Variants in ERBIN observed in about 807,000 individuals in gnomAD.
ERBIN encodes the protein densin-180-like protein.
A neutral mutation model predicts 158.4 loss-of-function variants in ERBIN; 60 were observed. The observed-to-expected ratio is 0.38, with a 90% CI of 0.31 to 0.47. ERBIN has a LOEUF of 0.47. Ranked by LOEUF, ERBIN falls within the 20% of genes least tolerant of loss-of-function variation. ERBIN has a pLI of 0.99. For missense variants in ERBIN, 1,610 were observed against 1,648.0 expected, an observed-to-expected ratio of 0.98 and a Z score of 0.40; for synonymous variants, 594 against 557.2, an observed-to-expected ratio of 1.07 and a Z score of -0.93.
At chr5:66,015,355 T>TACAGATTAACTACA (rs1258263452) in intron 7 of ERBIN, among the ~76,000 whole-genome samples, 3 of 145,156 alleles carry the variant, frequency 2.1e-5, no homozygotes, top group African/African-American at 5.2e-5. Context: ...CTACAGTCTA[T>TACAGATTAACTACA]GATTAAATCT....
At chr5:66,032,388 T>A (rs1327166474) in intron 14 of ERBIN, among the ~76,000 whole-genome samples, 4 of 152,206 alleles carry the variant, frequency 2.6e-5, no homozygotes, top group African/African-American at 9.7e-5. Flanking sequence ...TAGTTTATTG[T>A]CCCTAATAGG....
chr5:66,023,877 C>T (rs1371254259), intron 9 of ERBIN, among the ~76,000 whole-genome samples: 1 of 151,950 alleles, frequency 6.6e-6, no homozygotes, highest in African/African-American at 2.4e-5. Context: ...CGGGATTTCA[C>T]CGTGTTAGCC....
In ERBIN at chr5:66,013,568, C is replaced by G. The variant is rs751805109; in HGVS notation, c.406C>G (p.Gln136Glu). The G allele has an allele frequency of 1.2e-6, 2 of 1,611,672 alleles. No individual in the cohort carries two copies. Among genetic ancestry groups the G allele is most frequent in the Non-Finnish European group, 1.7e-6 (2 of 1,178,166 alleles). ...ATGTAGGCTCCCTGATGGATTTTCT[C>G]AGCTGTTAAACCTAACCCAGTTGTA... is the stretch of plus-strand genomic sequence containing the variant. ...PISKLPDGFS[Q>E]LLNLTQLYLN... Residue 136 changes from glutamine (Q) to glutamate (E), a missense_variant, in exon 6 of 26, where the codon CAG becomes GAG. Gln to Glu is a conservative substitution (Grantham distance 29, BLOSUM62 2). Coordinates refer to ENST00000284037, the MANE Select transcript of ERBIN (RefSeq NM_001253697.2).
intron 7 of ERBIN, among the ~76,000 whole-genome samples, chr5:66,017,269 A>G (rs554401491): frequency 3.3e-5 from 5 of 152,212 alleles, no homozygotes; most frequent in African/African-American, 1.2e-4. Flanking sequence ...AGGAACTTCT[A>G]TACTGTTCTC....
chr5:66,048,946 G>T (rs1758747460), intron 19 of ERBIN, among the ~76,000 whole-genome samples, 165 bp downstream of exon 19: 1 of 151,696 alleles, frequency 6.6e-6, no homozygotes, highest in African/African-American at 2.4e-5. Context: ...TCATTTTTAG[G>T]GAAAGTCCTT....
intron 1 of ERBIN, among the ~76,000 whole-genome samples, chr5:65,971,844 C>T (rs1399224991): frequency 2.0e-5 from 3 of 152,078 alleles, no homozygotes; most frequent in Admixed American, 2.0e-4. Flanking sequence ...GTCAGGTGCC[C>T]GTTCCCTTTC....
chr5:66,014,129 C>G (rs1228092174), intron 6 of ERBIN, among the ~76,000 whole-genome samples: 1 of 152,094 alleles, frequency 6.6e-6, no homozygotes, highest in Admixed American at 6.6e-5. Flanking sequence ...AGAGAAAATG[C>G]TAGCCAACTA....
At chr5:65,930,213 G>T (rs188120090) in intron 1 of ERBIN, among the ~76,000 whole-genome samples, 1 of 152,248 alleles carries the variant, frequency 6.6e-6, no homozygotes, top group East Asian at 1.9e-4. Context: ...AAGTTTATCT[G>T]ATCTTATTTT....
chr5:66,039,825 G>A (rs941119962), intron 15 of ERBIN, among the ~76,000 whole-genome samples: 2 of 151,950 alleles, frequency 1.3e-5, no homozygotes, highest in Non-Finnish European at 1.5e-5. Context: ...AGAACCTCCA[G>A]TGAATGAAGC....
At chr5:66,043,304 T>A in intron 16 of ERBIN, 106 bp downstream of exon 16, 1 of 1,153,184 alleles carries the variant, frequency 8.7e-7, no homozygotes, top group Non-Finnish European at 1.2e-6. Context: ...ATTGAATTTA[T>A]TCCTTGTCCT....
chr5:66,003,293 GT>G (rs1208145038), intron 4 of ERBIN, among the ~76,000 whole-genome samples: 1 of 152,048 alleles, frequency 6.6e-6, no homozygotes, highest in East Asian at 1.9e-4. Flanking sequence ...AACAGTTTGT[GT>G]TTATTACTTC....
chr5:66,041,216 T>C (rs912812154), intron 15 of ERBIN, among the ~76,000 whole-genome samples: 1 of 152,026 alleles, frequency 6.6e-6, no homozygotes, highest in Non-Finnish European at 1.5e-5. Context: ...ACCAAAAGTT[T>C]ACCAGCAATA....
intron 21 of ERBIN, among the ~76,000 whole-genome samples, chr5:66,063,334 C>T (rs981418213): frequency 3.9e-5 from 6 of 152,190 alleles, no homozygotes; most frequent in African/African-American, 9.7e-5. Context: ...TAGGACCCTC[C>T]GAGCCAGTTG....
chr5:66,016,868 GC>G (rs1754796964), intron 7 of ERBIN, among the ~76,000 whole-genome samples: 1 of 152,012 alleles, frequency 6.6e-6, no homozygotes, highest in Non-Finnish European at 1.5e-5. Flanking sequence ...GCCCTCCTCG[GC>G]TTCCCAGAGT....
At chr5:66,021,774 C>G (rs1755715104) in intron 8 of ERBIN, among the ~76,000 whole-genome samples, 3 of 152,214 alleles carry the variant, frequency 2.0e-5, no homozygotes, top group South Asian at 2.1e-4. Context: ...AGATACTTCT[C>G]TATAATGTTA....
At chr5:66,076,079 ACAAG>A in intron 23 of ERBIN, 1 of 476,010 alleles carries the variant, frequency 2.1e-6, no homozygotes, top group Non-Finnish European at 3.7e-6. Context: ...TCCTCATAAG[ACAAG>A]CAATAAAATT....
At chr5:65,942,840 G>A (rs1332012361) in intron 1 of ERBIN, among the ~76,000 whole-genome samples, 2 of 152,046 alleles carry the variant, frequency 1.3e-5, no homozygotes, top group East Asian at 1.9e-4. Context: ...CTCAGGAGGC[G>A]GAGGCTGTGG....
intron 4 of ERBIN, among the ~76,000 whole-genome samples, chr5:65,998,360 A>T (rs1256930000): frequency 1.3e-5 from 2 of 151,086 alleles, no homozygotes; most frequent in Admixed American, 6.6e-5. Context: ...TGTTTTAAGG[A>T]TTTATTATTT....
chr5:65,968,928 C>T (rs577499081), intron 1 of ERBIN, among the ~76,000 whole-genome samples: 123 of 152,248 alleles, frequency 8.1e-4, no homozygotes, highest in South Asian at 1.9e-3. Context: ...ATGAACGAAG[C>T]AACTACTTTG....
Sources: allele counts gnomAD v4.1 joint callset (sites outside exome capture counted in the v4.1 genomes callset), GRCh38; gene constraint gnomAD v4.1.1; transcripts MANE v1.5; gene names NCBI Gene and HGNC (gene_info 2026-07-23, HGNC 2026-07-21).